FSTL4: variants seen among roughly 807,000 people sequenced by gnomAD.
The protein encoded by FSTL4 is follistatin-related protein 4.
A neutral mutation model predicts 78.2 loss-of-function variants in FSTL4; 28 were observed. The observed-to-expected ratio is 0.36, with a 90% CI of 0.27 to 0.49. FSTL4 has a LOEUF of 0.49. FSTL4 is among the 20% of genes least tolerant of loss of function. The pLI is 0.98. For missense variants in FSTL4, 922 were observed against 1,084.9 expected, an observed-to-expected ratio of 0.85 and a Z score of 2.11; for synonymous variants, 422 against 440.5, an observed-to-expected ratio of 0.96 and a Z score of 0.53.
At chr5:133,434,220 A>C (rs1245159875) in intron 3 of FSTL4, among the ~76,000 whole-genome samples, 1 of 152,150 alleles carries the variant, frequency 6.6e-6, no homozygotes, top group Non-Finnish European at 1.5e-5. Flanking sequence ...CTTTGGAAGT[A>C]GAGTTGATAA....
chr5:133,798,788 C>T, the FSTL4 span, among the ~76,000 whole-genome samples: 1 of 152,124 alleles, frequency 6.6e-6, no homozygotes, highest in African/African-American at 2.4e-5. Context: ...CCCATCACCC[C>T]CATGCCTACC....
rs150779108 is a variant in FSTL4 at position 133,199,464 on chromosome 5, G to A, written c.2160C>T (p.Gly720=). 71 of 1,614,178 alleles carry A rather than the reference G, an allele frequency of 4.4e-5. No individual in the cohort carries two copies. In the African/African-American group the frequency reaches 7.2e-4, roughly 16 times the overall value. ...GCAGGTCATACAGGGTCTGGATCTC[G>A]CCCCGCACTGTGATCTCCTGCACGT... ...WLHVQEITVR[G]EIQTLYDLQI... Residue 720 remains glycine, a synonymous_variant, in exon 16 of 16, where the codon GGC becomes GGT. Coordinates refer to ENST00000265342, the MANE Select transcript of FSTL4 (RefSeq NM_015082.2). The surrounding 1 kb of genome is among the most constrained non-coding windows in gnomAD (Gnocchi z 4.4).
rs114701453 is a variant in FSTL4, at chr5:133,324,574, T to C, written c.410-7922A>G. Among the ~76,000 whole-genome samples the C allele has an allele frequency of 3.7e-3, 570 of 152,376 alleles. 4 individuals are homozygous for C. Among genetic ancestry groups the C allele is most frequent in the African/African-American group, 0.013 (552 of 41,576 alleles). On this transcript the variant is annotated intron_variant, in intron 4 of 15. Coordinates refer to ENST00000265342, the MANE Select transcript of FSTL4 (RefSeq NM_015082.2). ...CCAGCCTTCAATTTCTGTGACTTTT[T>C]CATCCACTGTGGATCATCAGGCTCC...
At chr5:133,817,611 C>A in the FSTL4 span, among the ~76,000 whole-genome samples, 1 of 152,166 alleles carries the variant, frequency 6.6e-6, no homozygotes, top group African/African-American at 2.4e-5. Context: ...GCCTCGGAGA[C>A]ACCCCTAGAA....
At chr5:133,771,029 T>C in the FSTL4 span, among the ~76,000 whole-genome samples, 1 of 152,076 alleles carries the variant, frequency 6.6e-6, no homozygotes, top group Non-Finnish European at 1.5e-5. Flanking sequence ...GATCAGTTGA[T>C]TGTAAGAGGG....
the FSTL4 span, among the ~76,000 whole-genome samples, chr5:133,838,047 C>G: frequency 6.6e-6 from 1 of 152,104 alleles, no homozygotes; most frequent in Non-Finnish European, 1.5e-5. Context: ...GCCACCACAC[C>G]CAGCTAATTT....
At chr5:133,403,710 G>C (rs541450771) in intron 3 of FSTL4, among the ~76,000 whole-genome samples, 9 of 152,204 alleles carry the variant, frequency 5.9e-5, no homozygotes, top group Admixed American at 5.9e-4. Context: ...GATGTCCGTG[G>C]AGGTGGGTCT....
At chr5:133,468,958 T>A (rs1317802024) in intron 3 of FSTL4, among the ~76,000 whole-genome samples, 1 of 152,216 alleles carries the variant, frequency 6.6e-6, no homozygotes, top group African/African-American at 2.4e-5. Flanking sequence ...AGAAATAGCA[T>A]TTAATCCAGG....
chr5:133,716,384 A>AAT, the FSTL4 span, among the ~76,000 whole-genome samples: 36,516 of 147,464 alleles, frequency 0.25, 5,053 homozygotes, highest in African/African-American at 0.39. Context: ...TTTATATAAG[A>AAT]ATATATATAT....
intron 2 of FSTL4, among the ~76,000 whole-genome samples, chr5:133,586,298 G>T (rs1760518076): frequency 1.1e-5 from 1 of 89,748 alleles, no homozygotes. Flanking sequence ...AGAACTGAAG[G>T]AAATAGAGAC....
chr5:133,240,542 G>A (rs1751829208), intron 7 of FSTL4, among the ~76,000 whole-genome samples: 1 of 152,172 alleles, frequency 6.6e-6, no homozygotes, highest in South Asian at 2.1e-4. Context: ...GCCACTGTGG[G>A]GAGAGCACCT....
chr5:133,543,374 T>C (rs573042726), intron 3 of FSTL4, among the ~76,000 whole-genome samples: 1 of 152,312 alleles, frequency 6.6e-6, no homozygotes. Flanking sequence ...TCTAATGGAA[T>C]TATTTAAGAT....
the FSTL4 span, among the ~76,000 whole-genome samples, chr5:133,784,429 G>A: frequency 1.3e-5 from 2 of 152,188 alleles, no homozygotes; most frequent in Non-Finnish European, 2.9e-5. Context: ...CCATCCTGGG[G>A]AGAACACCCC....
chr5:133,802,605 C>A, the FSTL4 span, among the ~76,000 whole-genome samples: 146,530 of 152,324 alleles, frequency 0.96, 70,709 homozygotes, highest in East Asian at 1. Flanking sequence ...TGATGCTGAC[C>A]AAACTGAGGG....
intron 8 of FSTL4, among the ~76,000 whole-genome samples, chr5:133,228,977 G>A (rs1017842620): frequency 1.3e-5 from 2 of 152,166 alleles, no homozygotes; most frequent in Non-Finnish European, 1.5e-5. Context: ...CACCAATAAA[G>A]TTATAAGGAT....
At chr5:133,217,767 G>A (rs1326100245) in intron 12 of FSTL4, among the ~76,000 whole-genome samples, 1 of 152,114 alleles carries the variant, frequency 6.6e-6, no homozygotes, top group Non-Finnish European at 1.5e-5. Flanking sequence ...AGTCCTCAGA[G>A]CTGACGTTGT....
At chr5:133,452,875 G>C (rs995931076) in intron 3 of FSTL4, among the ~76,000 whole-genome samples, 1 of 152,244 alleles carries the variant, frequency 6.6e-6, no homozygotes, top group Non-Finnish European at 1.5e-5. Flanking sequence ...GATGATGACA[G>C]TTCTTTATTG....
intron 4 of FSTL4, among the ~76,000 whole-genome samples, chr5:133,342,056 G>T (rs1754594174): frequency 6.6e-6 from 1 of 152,148 alleles, no homozygotes; most frequent in South Asian, 2.1e-4. Context: ...CACAGGGTGG[G>T]GTCCACAGAG....
Position 133,237,465 on chromosome 5 carries a change from G to C in FSTL4, c.895-3928C>G, listed in dbSNP as rs114514857. On this transcript the variant is annotated intron_variant, in intron 7 of 15. Transcript: ENST00000265342. The stretch of plus-strand genomic sequence containing the variant: ...TTGGGCAATCACTCAGGTGCTGAGG[G>C]GTGTGTGTGTCAGCCCTTGGAGGAC... Among the ~76,000 whole-genome samples the C allele has an allele frequency of 4.8e-3, 737 of 152,336 alleles. 4 individuals carry two copies. The highest frequency in any genetic ancestry group is 0.017 in the African/African-American group (702 of 41,590).
Sources: allele counts gnomAD v4.1 joint callset (sites outside exome capture counted in the v4.1 genomes callset), GRCh38; gene constraint gnomAD v4.1.1; non-coding constraint Gnocchi (gnomAD v3.1); transcripts MANE v1.5; gene names NCBI Gene and HGNC (gene_info 2026-07-23, HGNC 2026-07-21).